STAT3: variants seen among roughly 807,000 people sequenced by gnomAD.
STAT3 encodes the protein DNA-binding protein APRF.
STAT3 carries 7 observed loss-of-function variants against 114.3 expected under a neutral mutation model. That is an observed-to-expected ratio of 0.06 (90% CI 0.03 to 0.11). STAT3 has a LOEUF of 0.11. Ranked by LOEUF, STAT3 falls within the 10% of genes least tolerant of loss-of-function variation. STAT3 has a pLI of 1.00. For synonymous variants in STAT3, 331 were observed against 354.5 expected (o/e 0.93, Z 0.74); for missense variants, 364 against 960.9 (o/e 0.38, Z 8.21).
At chr17:42,380,473 C>G (rs2145358505) in intron 1 of STAT3, among the ~76,000 whole-genome samples, 1 of 152,118 alleles carries the variant, frequency 6.6e-6, no homozygotes, top group East Asian at 1.9e-4. Context: ...CAACCTCCGC[C>G]TCCCGGGTTC....
intron 18 of STAT3, 35 bp from the exon 19 acceptor site, chr17:42,323,389 T>G (rs370610808): frequency 5.6e-6 from 9 of 1,609,568 alleles, no homozygotes; most frequent in Non-Finnish European, 6.8e-6. Context: ...CCAAGTCTAC[T>G]GCCATCCCAG....
Position 42,388,400 on chromosome 17 carries a change from G to A in STAT3, c.-145C>T. 8.1e-7 allele frequency: 1 copy of A among 1,231,682 alleles called. No individual in the cohort carries two copies. Among genetic ancestry groups the A allele is most frequent in the Non-Finnish European group, 1.0e-6 (1 of 987,888 alleles). The allele number at this position is 1,231,682 out of a possible 1,614,324, so 76.3% of individuals were successfully genotyped here. A position where few individuals can be genotyped will look rare whatever the true frequency, so the allele number is the denominator to read the frequency against. The stretch of plus-strand genomic sequence containing the variant: ...GGGAGAGACAGCGCCAAGCCGGGGT[G>A]CCTGTCCAGGATCCGGTTGGGGCTT... On this transcript the variant is annotated 5_prime_UTR_variant, in exon 1 of 24. Coordinates refer to ENST00000264657, the MANE Select transcript of STAT3 (RefSeq NM_139276.3).
chr17:42,333,629 C>T lies in STAT3; in HGVS notation c.1049+44G>A. ...AACTCTACCCTCACCCTAACAGTGTCCCTCAGTAAAATCTCTACTGGAAAT... is the reference window on the plus strand; with the variant it reads ...AACTCTACCCTCACCCTAACAGTGTTCCTCAGTAAAATCTCTACTGGAAAT... On this transcript the variant is annotated intron_variant, in intron 10 of 23. Coordinates refer to ENST00000264657, the MANE Select transcript of STAT3 (RefSeq NM_139276.3). The surrounding 1 kb of genome is among the most constrained non-coding windows in gnomAD (Gnocchi z 5.2). The T allele has an allele frequency of 1.9e-6, 3 of 1,602,438 alleles. No individual in the cohort carries two copies. The highest frequency in any genetic ancestry group is 2.6e-6 in the Non-Finnish European group (3 of 1,169,744).
At chr17:42,375,896 T>G (rs1471534698) in intron 1 of STAT3, among the ~76,000 whole-genome samples, 3 of 151,672 alleles carry the variant, frequency 2.0e-5, no homozygotes, top group Non-Finnish European at 2.9e-5. Flanking sequence ...CTCACACCTG[T>G]AATCCCAGCA....
At chr17:42,362,414 G>T (rs925684663) in intron 1 of STAT3, among the ~76,000 whole-genome samples, 3 of 152,166 alleles carry the variant, frequency 2.0e-5, no homozygotes, top group South Asian at 4.1e-4. Context: ...CAACATCTGT[G>T]TGCTTGCCTC....
intron 21 of STAT3, among the ~76,000 whole-genome samples, chr17:42,317,713 T>C (rs954789364): frequency 2.0e-5 from 3 of 152,202 alleles, no homozygotes; most frequent in East Asian, 1.9e-4. Flanking sequence ...TGCTTGTGGT[T>C]CCAAAGCCAA....
chr17:42,387,164 C>G (rs1324026436), intron 1 of STAT3: 1 of 152,196 alleles, frequency 6.6e-6, no homozygotes, highest in Admixed American at 6.5e-5. Context: ...ACACTATACA[C>G]ATTTTTAATT....
Position 42,346,828 on chromosome 17 carries a change from A to G in STAT3, c.129-115T>C, listed in dbSNP as rs1045546829. 5.5e-5 allele frequency: 76 copies of G among 1,376,062 alleles called. 2 individuals are homozygous for G. In the Admixed American group the frequency reaches 1.3e-3, roughly 24 times the overall value. 85.2% of individuals were successfully genotyped at this position (1,376,062 alleles called of 1,614,324 possible). A position where few individuals can be genotyped will look rare whatever the true frequency, so the allele number is the denominator to read the frequency against. Reference sequence around the variant, plus strand: ...AAAAAAACAAAGCAAACCTGATGCTATAACCCATTCATCATGTTAGATTCT... The same window carrying G: ...AAAAAAACAAAGCAAACCTGATGCTGTAACCCATTCATCATGTTAGATTCT... On this transcript the variant is annotated intron_variant, in intron 2 of 23. Coordinates refer to ENST00000264657, the MANE Select transcript of STAT3 (RefSeq NM_139276.3).
At chr17:42,328,680 G>A (rs1428580828) in intron 14 of STAT3, among the ~76,000 whole-genome samples, 1 of 152,188 alleles carries the variant, frequency 6.6e-6, no homozygotes, top group Non-Finnish European at 1.5e-5. Context: ...AGTACGGGGT[G>A]TGAGCCAGCA....
Position 42,366,939 on chromosome 17 carries a change from G to A in STAT3, c.-23-18400C>T, listed in dbSNP as rs527379350. ...GCAGATAAATTAAGGTCAGGAGTTC[G>A]AGACCAGCCTGGCCAACAAGGTGAA... On this transcript the variant is annotated intron_variant, in intron 1 of 23. Coordinates refer to ENST00000264657, the MANE Select transcript of STAT3 (RefSeq NM_139276.3). Among the ~76,000 whole-genome samples the A allele has an allele frequency of 6.4e-4, 97 of 152,142 alleles. 2 individuals are homozygous for A. The highest frequency in any genetic ancestry group is 2.2e-3 in the African/African-American group (92 of 41,520).
Position 42,354,805 on chromosome 17 carries a change from T to C in STAT3, c.-23-6266A>G, listed in dbSNP as rs1598461810. The stretch of plus-strand genomic sequence containing the variant: ...CTGGGCAACAGAGTGAGACTCTGTC[T>C]CAAAAAAAAAAAAAAGAAGGCACCA... On this transcript the variant is annotated intron_variant, in intron 1 of 23. Coordinates refer to ENST00000264657, the MANE Select transcript of STAT3 (RefSeq NM_139276.3). Among the ~76,000 whole-genome samples, 2 of 50,866 alleles carry C rather than the reference T, an allele frequency of 3.9e-5. 1 individual carries two copies. Among genetic ancestry groups the C allele is most frequent in the African/African-American group, 4.0e-4 (2 of 4,966 alleles). The allele number at this position is 50,866 out of a possible 152,430, so 33.4% of individuals were successfully genotyped here.
At chr17:42,366,324 C>G (rs867084804) in intron 1 of STAT3, among the ~76,000 whole-genome samples, 9 of 152,070 alleles carry the variant, frequency 5.9e-5, no homozygotes, top group African/African-American at 9.7e-5. Flanking sequence ...CTCTTCCTCC[C>G]CCTCCTCCTG....
intron 8 of STAT3, among the ~76,000 whole-genome samples, chr17:42,335,253 G>A (rs1257370626): frequency 6.6e-6 from 1 of 151,888 alleles, no homozygotes; most frequent in Non-Finnish European, 1.5e-5. Context: ...TTCCTGAGTA[G>A]CTAGAACTAT....
rs11328125 is a variant in STAT3, at chr17:42,385,508, C to CA, written c.-24+2770dup. ...TGGGTGATAGAGTGCAACTCCAACT[C>CA]AAAAAAAAAAAAAAAAAAGTATATA... On this transcript the variant is annotated intron_variant, in intron 1 of 23. Coordinates refer to ENST00000264657, the MANE Select transcript of STAT3 (RefSeq NM_139276.3). Among the ~76,000 whole-genome samples the CA allele has an allele frequency of 8.7e-3, 939 of 108,224 alleles. 12 individuals are homozygous for CA. The highest frequency in any genetic ancestry group is 0.033 in the East Asian group (126 of 3,822). The allele number at this position is 108,224 out of a possible 152,430, so 71.0% of individuals were successfully genotyped here.
intron 1 of STAT3, among the ~76,000 whole-genome samples, chr17:42,375,468 T>TAA: frequency 6.6e-6 from 1 of 152,316 alleles, no homozygotes; most frequent in South Asian, 2.1e-4. Flanking sequence ...TTAAAACCTT[T>TAA]AGACCAACCT....
intron 1 of STAT3, among the ~76,000 whole-genome samples, chr17:42,380,967 C>T (rs1291584133): frequency 6.6e-6 from 1 of 152,100 alleles, no homozygotes; most frequent in East Asian, 1.9e-4. Context: ...ACCTGTCTGC[C>T]CGGCACTATG....
At chr17:42,375,239 T>A (rs1228346941) in intron 1 of STAT3, among the ~76,000 whole-genome samples, 1 of 152,174 alleles carries the variant, frequency 6.6e-6, no homozygotes, top group Non-Finnish European at 1.5e-5. Context: ...ACAAAAACAT[T>A]TTCTAAACCC....
intron 21 of STAT3, among the ~76,000 whole-genome samples, chr17:42,321,912 C>G (rs931876536): frequency 6.6e-6 from 1 of 152,216 alleles, no homozygotes; most frequent in Admixed American, 6.5e-5. Flanking sequence ...CAGCCTTGAA[C>G]TCCTTGGCTC....
In STAT3 at chr17:42,325,969, A is replaced by AT. The variant is rs143987966; in HGVS notation, c.1365+146dup. The AT allele has an allele frequency of 1.5e-3, 1,158 of 785,164 alleles. 13 individuals carry two copies. The highest frequency in any genetic ancestry group is 0.013 in the African/African-American group (743 of 58,620). The allele number at this position is 785,164 out of a possible 1,614,324, so 48.6% of individuals were successfully genotyped here. A position where few individuals can be genotyped will look rare whatever the true frequency, so the allele number is the denominator to read the frequency against. On this transcript the variant is annotated intron_variant, in intron 15 of 23. Coordinates refer to ENST00000264657, the MANE Select transcript of STAT3 (RefSeq NM_139276.3). ...TTTATTGCCAGATGGGATGCCAAGGATTTTTTTGGAGAAAAGTAAGCAAAA... is the reference window on the plus strand; with the variant it reads ...TTTATTGCCAGATGGGATGCCAAGGATTTTTTTTGGAGAAAAGTAAGCAAAA...
Sources: allele counts gnomAD v4.1 joint callset (sites outside exome capture counted in the v4.1 genomes callset), GRCh38; gene constraint gnomAD v4.1.1; non-coding constraint Gnocchi (gnomAD v3.1); transcripts MANE v1.5; gene names NCBI Gene and HGNC (gene_info 2026-07-23, HGNC 2026-07-21).